Variants in CTNNBL1 observed in about 807,000 individuals in gnomAD.
CTNNBL1 encodes the protein beta-catenin-like protein 1.
In CTNNBL1, 31 loss-of-function variants were observed where a neutral mutation model predicts 72.7. The observed-to-expected ratio is 0.43, with a 90% CI of 0.32 to 0.58. CTNNBL1 has a LOEUF of 0.58. Ranked by LOEUF, CTNNBL1 falls within the 20% of genes least tolerant of loss-of-function variation. The pLI, the probability that CTNNBL1 is intolerant of heterozygous loss-of-function variation, is 0.08. For synonymous variants in CTNNBL1, 240 were observed against 267.3 expected (o/e 0.90, Z 1.00); for missense variants, 534 against 725.1 (o/e 0.74, Z 3.03).
intron 3 of CTNNBL1, among the ~76,000 whole-genome samples, chr20:37,738,308 A>G (rs2073186962): frequency 6.6e-6 from 1 of 152,206 alleles, no homozygotes; most frequent in South Asian, 2.1e-4. Flanking sequence ...GGGTTGTATG[A>G]AGATTAAAGG....
chr20:37,857,028 C>T (rs1214657011), intron 13 of CTNNBL1, among the ~76,000 whole-genome samples: 11 of 152,188 alleles, frequency 7.2e-5, no homozygotes, highest in Admixed American at 6.5e-4. Flanking sequence ...CGTTTTCTAG[C>T]AACTGGTAAT....
At chr20:37,791,525 A>G (rs1371077353) in intron 10 of CTNNBL1, among the ~76,000 whole-genome samples, 1 of 152,144 alleles carries the variant, frequency 6.6e-6, no homozygotes, top group Non-Finnish European at 1.5e-5. Flanking sequence ...ATCTCTTCAA[A>G]TCTTTTGTCC....
rs2073143361 is a variant in CTNNBL1 at position 37,733,015 on chromosome 20, A to G, written c.167A>G (p.Lys56Arg). 2 of 1,613,928 alleles carry G rather than the reference A, an allele frequency of 1.2e-6. No homozygotes were observed. The highest frequency in any genetic ancestry group is 1.7e-6 in the Non-Finnish European group (2 of 1,179,986). The change falls in exon 2 of 16, where the codon AAA becomes AGA. Residue 56 changes from lysine to arginine, a missense_variant. Lys to Arg is a conservative substitution (Grantham distance 26). Coordinates refer to ENST00000361383, the MANE Select transcript of CTNNBL1 (RefSeq NM_030877.5). ...MTVVEEADDD[K>R]KRLLQIIDRD... ...GTGGTGGAGGAAGCGGATGATGACA[A>G]AAAAAGGCTGCTGCAGATTATTGAC...
chr20:37,768,081 T>G (rs2073486893), intron 7 of CTNNBL1, 37 bp downstream of exon 7: 1 of 1,541,208 alleles, frequency 6.5e-7, no homozygotes, highest in Non-Finnish European at 9.0e-7. Flanking sequence ...CTCACACCTG[T>G]CTTTGCTCTG....
chr20:37,790,172 A>G (rs951453320), intron 10 of CTNNBL1, among the ~76,000 whole-genome samples: 4 of 152,204 alleles, frequency 2.6e-5, no homozygotes, highest in Admixed American at 6.5e-5. Context: ...CGCAGGCCCA[A>G]TTCTGGACTG....
intron 10 of CTNNBL1, among the ~76,000 whole-genome samples, chr20:37,782,272 T>C (rs1028335503): frequency 6.6e-6 from 1 of 152,154 alleles, no homozygotes; most frequent in African/African-American, 2.4e-5. Context: ...ACAGTTACTT[T>C]TGCATGTATA....
chr20:37,840,449 G>A (rs950334862), intron 12 of CTNNBL1, among the ~76,000 whole-genome samples: 1 of 152,232 alleles, frequency 6.6e-6, no homozygotes, highest in Non-Finnish European at 1.5e-5. Flanking sequence ...TAGACCCAAA[G>A]AGCGTGGATT....
intron 5 of CTNNBL1, among the ~76,000 whole-genome samples, chr20:37,762,410 T>C (rs1337268255): frequency 6.6e-6 from 1 of 152,212 alleles, no homozygotes; most frequent in Non-Finnish European, 1.5e-5. Context: ...CCTCCTCTTC[T>C]CTTATATCCA....
chr20:37,838,567 ATCAGGAGC>A (rs1008695008), intron 11 of CTNNBL1, among the ~76,000 whole-genome samples: 2 of 152,174 alleles, frequency 1.3e-5, no homozygotes, highest in African/African-American at 4.8e-5. Context: ...AGGGAGGAAG[ATCAGGAGC>A]TTGTGTTTGG....
In CTNNBL1 at chr20:37,802,920, T is replaced by C; in HGVS notation, c.1085T>C (p.Ile362Thr). 2 of 1,614,122 alleles carry C rather than the reference T, an allele frequency of 1.2e-6. No individual in the cohort carries two copies. The highest frequency in any genetic ancestry group is 2.2e-5 in the East Asian group (1 of 44,862). ...SALKVLDHAM[I>T]GPEGTDNCHK... The stretch of plus-strand genomic sequence containing the variant: ...CTGAAAGTGCTGGACCATGCCATGA[T>C]TGGCCCCGAAGGCACAGACAACTGC... The change falls in exon 11 of 16, where the codon ATT becomes ACT. Residue 362 changes from isoleucine to threonine, a missense_variant. Ile to Thr is a moderately conservative substitution (Grantham distance 89). Transcript: ENST00000361383.
intron 4 of CTNNBL1, 129 bp downstream of exon 4, chr20:37,746,736 C>A: frequency 8.3e-7 from 1 of 1,209,348 alleles, no homozygotes; most frequent in Non-Finnish European, 1.2e-6. Flanking sequence ...TAATTATCTT[C>A]TGTCTTGAAA....
chr20:37,802,488 A>G (rs1339645441), intron 10 of CTNNBL1, among the ~76,000 whole-genome samples: 2 of 152,246 alleles, frequency 1.3e-5, no homozygotes, highest in African/African-American at 4.8e-5. Flanking sequence ...TAACTGGTAG[A>G]AATTGTATAG....
intron 1 of CTNNBL1, among the ~76,000 whole-genome samples, chr20:37,724,608 A>G (rs1449140786): frequency 6.6e-6 from 1 of 152,134 alleles, no homozygotes; most frequent in East Asian, 1.9e-4. Context: ...ATATGTTAAA[A>G]AGGATTCAAA....
chr20:37,782,217 AT>A (rs778013865), intron 10 of CTNNBL1, among the ~76,000 whole-genome samples: 36 of 152,214 alleles, frequency 2.4e-4, no homozygotes, highest in Non-Finnish European at 4.9e-4. Flanking sequence ...GGATGCACAC[AT>A]TAAATAACTA....
intron 7 of CTNNBL1, among the ~76,000 whole-genome samples, chr20:37,769,597 A>G (rs1185713177): frequency 2.6e-5 from 4 of 152,172 alleles, no homozygotes; most frequent in African/African-American, 9.7e-5. Context: ...AACAGTTAGT[A>G]TTGTCTAATA....
chr20:37,711,873 C>T (rs1028429114), intron 1 of CTNNBL1, among the ~76,000 whole-genome samples: 2 of 152,088 alleles, frequency 1.3e-5, no homozygotes, highest in African/African-American at 4.8e-5. Flanking sequence ...TTGATAAGGA[C>T]AGAGGGGTCA....
At chr20:37,718,577 C>G (rs1036025428) in intron 1 of CTNNBL1, among the ~76,000 whole-genome samples, 1 of 146,466 alleles carries the variant, frequency 6.8e-6, no homozygotes, top group African/African-American at 2.5e-5. Context: ...GGGCGGATGG[C>G]CGGGCGGGGG....
intron 11 of CTNNBL1, among the ~76,000 whole-genome samples, chr20:37,808,528 C>G (rs965954405): frequency 2.0e-5 from 3 of 152,200 alleles, no homozygotes; most frequent in Non-Finnish European, 4.4e-5. Context: ...CCAGTGGAGA[C>G]AAGGAACAGA....
At position 37,694,047 on chromosome 20, in the gene CTNNBL1, G is replaced by A; in HGVS notation, c.-76G>A. ...CGCTCGCCGCACTTTACGGCAGTGT[G>A]GCTGGAGCCGCGGCTGACGGGCCCG... On this transcript the variant is annotated 5_prime_UTR_variant, in exon 1 of 16. Transcript: ENST00000361383. The A allele has an allele frequency of 6.5e-7, 1 of 1,529,254 alleles. No individual in the cohort carries two copies. Among genetic ancestry groups the A allele is most frequent in the Non-Finnish European group, 8.9e-7 (1 of 1,120,496 alleles). 94.7% of individuals were successfully genotyped at this position (1,529,254 alleles called of 1,614,324 possible).
Sources: gnomAD v4.1 joint callset for allele counts (sites outside exome capture counted in the v4.1 genomes callset) on GRCh38, gnomAD v4.1.1 for gene constraint, MANE v1.5 for transcripts, NCBI Gene and HGNC (gene_info 2026-07-23, HGNC 2026-07-21) for gene names.